ZNF680: variants seen among roughly 807,000 people sequenced by gnomAD.
The protein encoded by ZNF680 is zinc finger protein 680.
A neutral mutation model predicts 12.1 loss-of-function variants in ZNF680; 6 were observed. The ratio of observed to expected loss-of-function variants is 0.49; its 90% CI spans 0.27 to 0.98. The LOEUF is 0.98. Ranked by LOEUF, ZNF680 falls within the 50% of genes least tolerant of loss-of-function variation. The pLI is 0.12. For missense variants in ZNF680, 561 were observed against 616.3 expected (o/e 0.91, Z 0.95); for synonymous variants, 170 against 199.3 (o/e 0.85, Z 1.24).
intron 3 of ZNF680, chr7:64,526,503 C>G: frequency 1.2e-6 from 1 of 860,042 alleles, no homozygotes; most frequent in Non-Finnish European, 1.8e-6. Flanking sequence ...TCAGCCTGAG[C>G]AACACAGTAA....
chr7:64,500,170 C>T, the ZNF680 span, among the ~76,000 whole-genome samples: 1 of 151,990 alleles, frequency 6.6e-6, no homozygotes, highest in South Asian at 2.1e-4. Context: ...TGTTTCTCTT[C>T]TCTTTAATTC....
chr7:64,519,035 T>C (rs868660208), downstream of ZNF680, among the ~76,000 whole-genome samples: 7 of 151,926 alleles, frequency 4.6e-5, no homozygotes, highest in Middle Eastern at 6.8e-3. Context: ...GCAAAAATAA[T>C]CAGCAGAGTT....
chr7:64,534,601 G>A (rs918233205), intron 3 of ZNF680, among the ~76,000 whole-genome samples: 17 of 152,158 alleles, frequency 1.1e-4, no homozygotes, highest in African/African-American at 4.1e-4. Context: ...AAAACAGTGT[G>A]GAGATTCCTT....
intron 3 of ZNF680, among the ~76,000 whole-genome samples, chr7:64,541,323 G>A (rs1038052215): frequency 6.6e-6 from 1 of 152,178 alleles, no homozygotes; most frequent in Admixed American, 6.5e-5. Context: ...AAAATGTATA[G>A]GGAGAGTGAC....
chr7:64,562,793 G>C (rs1050246376), intron 1 of ZNF680, 132 bp downstream of exon 1: 1 of 1,000,952 alleles, frequency 1.0e-6, no homozygotes, highest in South Asian at 1.3e-5. Context: ...TGAGGACCGA[G>C]CTGCGCCAAG....
At position 64,521,338 on chromosome 7, in the gene ZNF680, G is replaced by C; in HGVS notation, c.1416C>G (p.Asn472Lys). The change falls in exon 4 of 4, where the codon AAC (asparagine) becomes AAG (lysine). Residue 472 changes from asparagine (N) to lysine (K), a missense_variant. Physicochemically the swap from Asn to Lys is moderately conservative, Grantham distance 94. Transcript: ENST00000309683. ...TATGATTAGCAAGAGTTGCAGGCCA[G>C]TTAAAAACATTGCCACATTCATCAC... The part of the protein sequence containing the change: ...YKCDECGNVF[N>K]WPATLANHKR... 1 of 1,612,926 alleles carries C rather than the reference G, an allele frequency of 6.2e-7. No individual in the cohort carries two copies. Among genetic ancestry groups the C allele is most frequent in the Non-Finnish European group, 8.5e-7 (1 of 1,179,510 alleles).
intron 1 of ZNF680, among the ~76,000 whole-genome samples, chr7:64,553,124 C>CAAA (rs575545282): frequency 6.0e-4 from 72 of 119,746 alleles, no homozygotes; most frequent in East Asian, 1.2e-3. Context: ...CACTCTATCT[C>CAAA]AAAAAAAAAA....
intron 3 of ZNF680, among the ~76,000 whole-genome samples, chr7:64,523,438 C>T (rs1791652585): frequency 1.3e-5 from 2 of 151,448 alleles, no homozygotes; most frequent in South Asian, 4.2e-4. Context: ...CATTTCAATA[C>T]AAAAATCAAC....
chr7:64,502,001 T>C, the ZNF680 span, among the ~76,000 whole-genome samples: 11 of 99,366 alleles, frequency 1.1e-4, no homozygotes, highest in Non-Finnish European at 2.0e-4. Flanking sequence ...GTATTTCTTT[T>C]TTTTTTTTTT....
chr7:64,560,975 C>G, intron 1 of ZNF680: 1 of 151,972 alleles, frequency 6.6e-6, no homozygotes, highest in East Asian at 1.9e-4. Context: ...AATATTTTAC[C>G]TTTTAATTTC....
the ZNF680 span, among the ~76,000 whole-genome samples, chr7:64,499,530 G>A: frequency 6.6e-6 from 1 of 152,212 alleles, no homozygotes; most frequent in Non-Finnish European, 1.5e-5. Flanking sequence ...GGCCGAAGCG[G>A]GCAGATCACG....
chr7:64,514,999 C>T (rs940617443), downstream of ZNF680, among the ~76,000 whole-genome samples: 3 of 151,830 alleles, frequency 2.0e-5, no homozygotes, highest in African/African-American at 7.3e-5. Context: ...GCCAAGATCG[C>T]GCCATTGCAC....
At chr7:64,556,166 A>T (rs75208549) in intron 1 of ZNF680, among the ~76,000 whole-genome samples, 4,244 of 152,076 alleles carry the variant, frequency 0.028, 124 homozygotes, top group African/African-American at 0.064. Flanking sequence ...TGGATAGAAA[A>T]GACTGATATC....
At chr7:64,556,246 T>G (rs1787406107) in intron 1 of ZNF680, among the ~76,000 whole-genome samples, 1 of 141,442 alleles carries the variant, frequency 7.1e-6, no homozygotes, top group South Asian at 2.2e-4. Flanking sequence ...ACCAATAACA[T>G]TCTTCACGGA....
At chr7:64,543,632 A>C in intron 3 of ZNF680, 75 bp downstream of exon 3, 1 of 1,302,582 alleles carries the variant, frequency 7.7e-7, no homozygotes. Context: ...ATCCCATGTC[A>C]AGAACTGACT....
intron 2 of ZNF680, 78 bp from the exon 3 acceptor site, chr7:64,543,880 G>T: frequency 8.4e-7 from 1 of 1,187,046 alleles, no homozygotes; most frequent in Non-Finnish European, 1.2e-6. Context: ...TCAGTAAAGA[G>T]AATGTCATAG....
At chr7:64,529,231 T>C (rs1364260388) in intron 3 of ZNF680, among the ~76,000 whole-genome samples, 1 of 152,180 alleles carries the variant, frequency 6.6e-6, no homozygotes, top group East Asian at 1.9e-4. Context: ...AAACCAACTC[T>C]GGTAATATGA....
chr7:64,523,224 C>T lies in ZNF680; in HGVS notation c.254-724G>A, dbSNP rs11763268. ...ATGTCTATTAATATACAACATAAAACGAAATAATTAGCAACATTAATAACA... is the reference window on the plus strand; with the variant it reads ...ATGTCTATTAATATACAACATAAAATGAAATAATTAGCAACATTAATAACA... On this transcript the variant is annotated intron_variant, in intron 3 of 3. Coordinates refer to ENST00000309683, the MANE Select transcript of ZNF680 (RefSeq NM_178558.5). Among the ~76,000 whole-genome samples the T allele has an allele frequency of 4.6e-5, 7 of 151,806 alleles. No individual in the cohort carries two copies. In the South Asian group the frequency reaches 6.2e-4, roughly 14 times the overall value.
chr7:64,555,016 G>C (rs1004761730), intron 1 of ZNF680, among the ~76,000 whole-genome samples: 1 of 151,938 alleles, frequency 6.6e-6, no homozygotes, highest in Admixed American at 6.6e-5. Flanking sequence ...AAAAATCTGT[G>C]GATGTACATG....
Sources: gnomAD v4.1 joint callset for allele counts (sites outside exome capture counted in the v4.1 genomes callset) on GRCh38, gnomAD v4.1.1 for gene constraint, MANE v1.5 for transcripts, NCBI Gene and HGNC (gene_info 2026-07-23, HGNC 2026-07-21) for gene names.